TTC7B: variants seen among roughly 807,000 people sequenced by gnomAD.
TTC7B encodes the protein tetratricopeptide repeat domain 7B, also known as tetratricopeptide repeat protein 7B.
Under a neutral mutation model 106.8 loss-of-function variants are expected in TTC7B, and 28 were observed. The observed-to-expected ratio is 0.26, with a 90% confidence interval of 0.19 to 0.36. TTC7B has a LOEUF of 0.36. Among genes scored for constraint, TTC7B ranks in the 10% least tolerant of loss-of-function variants. The pLI, the probability that TTC7B is intolerant of heterozygous loss-of-function variation, is 1.00. For synonymous variants in TTC7B, 405 were observed against 430.6 expected, an observed-to-expected ratio of 0.94 and a Z score of 0.74; for missense variants, 862 against 1,076.4, an observed-to-expected ratio of 0.80 and a Z score of 2.79.
chr14:90,731,216 G>A (rs1889315762), intron 4 of TTC7B, among the ~76,000 whole-genome samples: 1 of 152,140 alleles, frequency 6.6e-6, no homozygotes, highest in African/African-American at 2.4e-5. Flanking sequence ...CTCCCAAAGT[G>A]CTGGGATTAC....
At chr14:90,712,985 T>C (rs1888506580) in intron 5 of TTC7B, among the ~76,000 whole-genome samples, 1 of 151,974 alleles carries the variant, frequency 6.6e-6, no homozygotes, top group Non-Finnish European at 1.5e-5. Flanking sequence ...GTTAAATTAT[T>C]TTTTTTTACT....
chr14:90,751,677 G>A (rs1050137526), intron 3 of TTC7B, among the ~76,000 whole-genome samples: 60 of 151,976 alleles, frequency 3.9e-4, no homozygotes, highest in African/African-American at 1.4e-3. Context: ...AGATGCTCCT[G>A]CCTTGGCCTC....
intron 15 of TTC7B, among the ~76,000 whole-genome samples, chr14:90,627,102 C>T (rs1321358329): frequency 6.6e-6 from 1 of 152,114 alleles, no homozygotes; most frequent in Non-Finnish European, 1.5e-5. Context: ...CCGTCTCAGC[C>T]TCCTGAGTGG....
chr14:90,573,116 C>T (rs987833598), intron 19 of TTC7B, among the ~76,000 whole-genome samples: 4 of 152,226 alleles, frequency 2.6e-5, no homozygotes, highest in African/African-American at 4.8e-5. Context: ...TGTCCCTTTC[C>T]AGGCCCTCAG....
At chr14:90,737,180 A>C (rs1889567680) in intron 4 of TTC7B, among the ~76,000 whole-genome samples, 2 of 152,174 alleles carry the variant, frequency 1.3e-5, no homozygotes, top group Non-Finnish European at 2.9e-5. Context: ...TAAGAAAACA[A>C]CACTTCCAAA....
At chr14:90,800,034 G>A (rs973210061) in intron 1 of TTC7B, among the ~76,000 whole-genome samples, 5 of 151,998 alleles carry the variant, frequency 3.3e-5, no homozygotes, top group Admixed American at 6.6e-5. Flanking sequence ...GGGTTTCACC[G>A]TGTTAGCCAG....
At chr14:90,810,231 C>T (rs1174779884) in intron 1 of TTC7B, among the ~76,000 whole-genome samples, 6 of 152,188 alleles carry the variant, frequency 3.9e-5, no homozygotes, top group East Asian at 1.9e-4. Context: ...CCGCCCCAGA[C>T]CCCATTGGGA....
At chr14:90,738,379 C>A (rs1889626535) in intron 4 of TTC7B, among the ~76,000 whole-genome samples, 2 of 152,116 alleles carry the variant, frequency 1.3e-5, no homozygotes, top group Non-Finnish European at 1.5e-5. Flanking sequence ...GGAGGCCAAG[C>A]TCTCGAATCA....
At chr14:90,711,618 T>C (rs1888451159) in intron 5 of TTC7B, among the ~76,000 whole-genome samples, 1 of 152,202 alleles carries the variant, frequency 6.6e-6, no homozygotes. Context: ...GACGGGGTTT[T>C]GCCATGTTGG....
At chr14:90,724,815 C>A (rs923005270) in intron 5 of TTC7B, among the ~76,000 whole-genome samples, 3 of 152,190 alleles carry the variant, frequency 2.0e-5, no homozygotes, top group Non-Finnish European at 4.4e-5. Flanking sequence ...GGATGGTACA[C>A]AATGAATCCT....
intron 19 of TTC7B, 67 bp from the exon 20 acceptor site, chr14:90,541,656 G>A: frequency 7.6e-7 from 1 of 1,313,178 alleles, no homozygotes; most frequent in Non-Finnish European, 1.0e-6. Context: ...CATCCTACTT[G>A]TCCTCGAGTT....
rs2030574983 is a variant in TTC7B at position 90,805,867 on chromosome 14, G to A, written c.121+10308C>T. 1.3e-5 allele frequency among the ~76,000 whole-genome samples: 2 copies of A among 152,172 alleles called. No individual in the cohort carries two copies. The highest frequency in any genetic ancestry group is 4.8e-5 in the African/African-American group (2 of 41,436). The stretch of plus-strand genomic sequence containing the variant: ...ACAGCTCAATGCCCAGGGGCACTTG[G>A]CCTCCTTGATCCCCCGGGGAAGGTG... On this transcript the variant is annotated intron_variant, in intron 1 of 19. Transcript: ENST00000328459. The surrounding 1 kb of genome is among the most constrained non-coding windows in gnomAD (Gnocchi z 4.0).
intron 5 of TTC7B, among the ~76,000 whole-genome samples, chr14:90,726,344 C>T (rs1268938028): frequency 6.6e-6 from 1 of 152,158 alleles, no homozygotes; most frequent in Admixed American, 6.5e-5. Flanking sequence ...GTTATCCAAG[C>T]CCATGGTTAT....
chr14:90,748,835 C>G (rs1890049896), intron 3 of TTC7B, among the ~76,000 whole-genome samples: 1 of 152,096 alleles, frequency 6.6e-6, no homozygotes, highest in African/African-American at 2.4e-5. Flanking sequence ...GTATATTCAC[C>G]AAATTATAAT....
intron 19 of TTC7B, among the ~76,000 whole-genome samples, chr14:90,548,090 T>C (rs578157822): frequency 4.9e-4 from 75 of 152,326 alleles, no homozygotes; most frequent in African/African-American, 1.8e-3. Flanking sequence ...CCACTCCAAG[T>C]GCTCTCTACG....
intron 4 of TTC7B, among the ~76,000 whole-genome samples, chr14:90,731,590 G>C (rs950089354): frequency 1.3e-5 from 2 of 152,166 alleles, no homozygotes; most frequent in Non-Finnish European, 2.9e-5. Context: ...AAATTGCCCA[G>C]CTCCGTCCTG....
chr14:90,720,542 GT>G (rs1888853848), intron 5 of TTC7B, among the ~76,000 whole-genome samples: 1 of 152,146 alleles, frequency 6.6e-6, no homozygotes, highest in South Asian at 2.1e-4. Context: ...ACCACATGGT[GT>G]GTTCCTGCAG....
At chr14:90,728,090 C>G (rs1889179472) in intron 5 of TTC7B, among the ~76,000 whole-genome samples, 1 of 152,166 alleles carries the variant, frequency 6.6e-6, no homozygotes, top group African/African-American at 2.4e-5. Flanking sequence ...TCTGTGGCCC[C>G]CAAACTGGCC....
chr14:90,736,566 C>T (rs1237701189), intron 4 of TTC7B, among the ~76,000 whole-genome samples: 8 of 149,508 alleles, frequency 5.4e-5, no homozygotes, highest in Admixed American at 2.0e-4. Context: ...AGTGAGACTC[C>T]GTCTCAGAAA....
Sources: gnomAD v4.1 joint callset for allele counts (sites outside exome capture counted in the v4.1 genomes callset) on GRCh38, gnomAD v4.1.1 for gene constraint, Gnocchi (gnomAD v3.1) non-coding constraint, MANE v1.5 for transcripts, NCBI Gene and HGNC (gene_info 2026-07-23, HGNC 2026-07-21) for gene names.